The following ARF5 variants were observed in gnomAD, a reference collection of about 807,000 sequenced individuals.
ARF5 encodes ADP-ribosylation factor 5.
ARF5 carries 10 observed loss-of-function variants against 24.8 expected under a neutral mutation model. The ratio of observed to expected loss-of-function variants is 0.40; its 90% CI spans 0.25 to 0.68. ARF5 has a LOEUF of 0.68. Ranked by LOEUF, ARF5 falls within the 30% of genes least tolerant of loss-of-function variation. The pLI, the probability that ARF5 is intolerant of heterozygous loss-of-function variation, is 0.36. For synonymous variants in ARF5, 102 were observed against 95.1 expected (o/e 1.07, Z -0.42); for missense variants, 135 against 239.2 (o/e 0.56, Z 2.87).
rs1356798060 is a variant in ARF5 at position 127,591,051 on chromosome 7, C to G, written c.419C>G (p.Thr140Ser). Residue 140 changes from threonine to serine, a missense_variant, in exon 5 of 6, where the codon ACT becomes AGT. Transcript: ENST00000000233. ...MPNAMPVSEL[T>S]DKLGLQHLRS... ...AACGCCATGCCCGTGAGCGAGCTGA[C>G]TGACAAGCTGGGGCTACAGCACTTA... is the stretch of plus-strand genomic sequence containing the variant. 6.2e-7 allele frequency: 1 copy of G among 1,614,126 alleles called. No individual in the cohort carries two copies. The highest frequency in any genetic ancestry group is 8.5e-7 in the Non-Finnish European group (1 of 1,180,014).
chr7:127,591,182 T>C, intron 5 of ARF5, 31 bp from the exon 6 acceptor site: 1 of 1,607,168 alleles, frequency 6.2e-7, no homozygotes, highest in Non-Finnish European at 8.5e-7. Flanking sequence ...TGTTCCTGGT[T>C]GCTGACCTCT....
rs887907986 is a variant in ARF5, at chr7:127,591,010, C to T, written c.378C>T (p.Asn126=). ...ATGCAGTGCTGCTGGTATTTGCCAA[C>T]AAGCAGGACATGCCCAACGCCATGC... ...LRDAVLLVFA[N]KQDMPNAMPV... The change falls in exon 5 of 6, where the codon AAC becomes AAT. Residue 126 remains asparagine, a synonymous_variant. Coordinates refer to ENST00000000233, the MANE Select transcript of ARF5 (RefSeq NM_001662.4). 5 of 1,613,898 alleles carry T rather than the reference C, an allele frequency of 3.1e-6. No individual in the cohort carries two copies. In the African/African-American group the frequency reaches 6.7e-5, roughly 22 times the overall value.
chr7:127,590,863 CT>C, intron 4 of ARF5, 99 bp from the exon 5 acceptor site: 296 of 1,433,324 alleles, frequency 2.1e-4, no homozygotes, highest in South Asian at 4.4e-4. Context: ...CTGCACAATA[CT>C]TTTTTTTTCC....
Position 127,590,096 on chromosome 7 carries a change from C to T in ARF5, c.289C>T (p.Arg97Trp), listed in dbSNP as rs367999369. ...CATCTTTGTGGTGGACAGTAATGAC[C>T]GGGAGCGGGTCCAAGAATCTGCTGA... ...GLIFVVDSNDRERVQESADEL... is the reference protein window; with the variant it reads ...GLIFVVDSNDWERVQESADEL... Residue 97 changes from arginine (R) to tryptophan (W), a missense_variant, in exon 4 of 6, where the codon CGG becomes TGG. This residue lies in a region of ARF5 where 102 missense variants were observed against 160.9 expected (regional missense o/e 0.63). Coordinates refer to ENST00000000233, the MANE Select transcript of ARF5 (RefSeq NM_001662.4). 39 of 1,613,798 alleles carry T rather than the reference C, an allele frequency of 2.4e-5. No homozygotes were observed. The highest frequency in any genetic ancestry group is 4.0e-5 in the African/African-American group (3 of 74,862).
At position 127,591,317 on chromosome 7, in the gene ARF5, CCT is replaced by C. The variant is rs775435205; in HGVS notation, c.*19_*20del. On this transcript the variant is annotated 3_prime_UTR_variant, in exon 6 of 6. Transcript: ENST00000000233. ...AGCGCTAACCAGCCAGGGGCAGGCC[CCT>C]GATGCCCGGAAGCTCCTGCGTGCAT... is the stretch of plus-strand genomic sequence containing the variant. 3.2e-6 allele frequency: 5 copies of C among 1,569,170 alleles called. No individual in the cohort carries two copies. In the Admixed American group the frequency reaches 1.0e-4, roughly 32 times the overall value.
chr7:127,589,016 C>T (rs1794245777), intron 1 of ARF5, 67 bp from the exon 2 acceptor site: 2 of 1,569,710 alleles, frequency 1.3e-6, no homozygotes, highest in Admixed American at 1.7e-5. Flanking sequence ...TGTGGCCTCT[C>T]CCTTTCCCTG....
At position 127,588,491 on chromosome 7, in the gene ARF5, GC is replaced by G. The variant is rs1587535381; in HGVS notation, c.-4del. The G allele has an allele frequency of 1.4e-6, 2 of 1,438,666 alleles. No homozygotes were observed. Among genetic ancestry groups the G allele is most frequent in the Non-Finnish European group, 9.2e-7 (1 of 1,085,552 alleles). The allele number at this position is 1,438,666 out of a possible 1,614,324, so 89.1% of individuals were successfully genotyped here. On this transcript the variant is annotated 5_prime_UTR_variant, in exon 1 of 6. Transcript: ENST00000000233. Reference sequence around the variant, plus strand: ...CGTCGGTGCCCGCGCCCCTCCCCGGGCCCCGCCATGGGCCTCACCGTGTCCG... The same window carrying G: ...CGTCGGTGCCCGCGCCCCTCCCCGGGCCCGCCATGGGCCTCACCGTGTCCG...
At chr7:127,589,641 A>T (rs370698583) in intron 3 of ARF5, 47 bp downstream of exon 3, 1 of 1,463,858 alleles carries the variant, frequency 6.8e-7, no homozygotes, top group Non-Finnish European at 9.5e-7. Context: ...AAAAGGTGTT[A>T]GGGCTGGGAG....
In ARF5 at chr7:127,590,143, T is replaced by C; in HGVS notation, c.330+6T>C. On this transcript the variant is annotated splice_donor_region_variant and intron_variant, in intron 4 of 5. Coordinates refer to ENST00000000233, the MANE Select transcript of ARF5 (RefSeq NM_001662.4). ...CTGATGAACTCCAGAAGATGGTGAGTACCCAGAGCCCTGGGAACTGAGCCC... is the reference window on the plus strand; with the variant it reads ...CTGATGAACTCCAGAAGATGGTGAGCACCCAGAGCCCTGGGAACTGAGCCC... 6.2e-7 allele frequency: 1 copy of C among 1,612,858 alleles called. No homozygotes were observed. The highest frequency in any genetic ancestry group is 8.5e-7 in the Non-Finnish European group (1 of 1,179,086).
chr7:127,589,233 G>A lies in ARF5; in HGVS notation c.148+70G>A, dbSNP rs1185684509. On this transcript the variant is annotated intron_variant, in intron 2 of 5. Coordinates refer to ENST00000000233, the MANE Select transcript of ARF5 (RefSeq NM_001662.4). ...CCTCGCGGGGTCTGCTCCCAGTTCT[G>A]CCACTTTTCTGGAGCTGACCCTGAC... 1.9e-6 allele frequency: 3 copies of A among 1,548,272 alleles called. No individual in the cohort carries two copies. In the African/African-American group the frequency reaches 4.1e-5, roughly 21 times the overall value.
chr7:127,590,562 A>G (rs1794271834), intron 4 of ARF5, among the ~76,000 whole-genome samples: 1 of 152,078 alleles, frequency 6.6e-6, no homozygotes, highest in Non-Finnish European at 1.5e-5. Context: ...TGAACCCCCA[A>G]CCTCAGGTGA....
chr7:127,590,081 G>A lies in ARF5; in HGVS notation c.274G>A (p.Val92Met). ...FQNTQGLIFVVDSNDRERVQE... is the reference protein window; with the variant it reads ...FQNTQGLIFVMDSNDRERVQE... ...TCCTGCCCAGGGCCTCATCTTTGTG[G>A]TGGACAGTAATGACCGGGAGCGGGT... is the stretch of plus-strand genomic sequence containing the variant. The change falls in exon 4 of 6, where the codon GTG (valine) becomes ATG (methionine). Residue 92 changes from valine (V) to methionine (M), a missense_variant. Val to Met is a conservative substitution (Grantham distance 21). Transcript: ENST00000000233. 6.2e-7 allele frequency: 1 copy of A among 1,613,994 alleles called. No homozygotes were observed. Among genetic ancestry groups the A allele is most frequent in the African/African-American group, 1.3e-5 (1 of 74,998 alleles).
rs960422737 is a variant in ARF5, at chr7:127,588,432, CCCCCGCGGCCGGCCAGTTCCAGCCCGCA to C, written c.-59_-32del. The stretch of plus-strand genomic sequence containing the variant: ...CCTCCTGCTGCTGCTGCGCCCCATC[CCCCCGCGGCCGGCCAGTTCCAGCCCGCA>C]CCCCGCGTCGGTGCCCGCGCCCCTC... On this transcript the variant is annotated 5_prime_UTR_variant, in exon 1 of 6. Transcript: ENST00000000233. 5 of 1,065,198 alleles carry C rather than the reference CCCCCGCGGCCGGCCAGTTCCAGCCCGCA, an allele frequency of 4.7e-6. No individual in the cohort carries two copies. In the African/African-American group the frequency reaches 8.3e-5, roughly 18 times the overall value. 66.0% of individuals were successfully genotyped at this position (1,065,198 alleles called of 1,614,324 possible).
At position 127,590,152 on chromosome 7, in the gene ARF5, C is replaced by T; in HGVS notation, c.330+15C>T. The T allele has an allele frequency of 6.2e-7, 1 of 1,611,186 alleles. No homozygotes were observed. Among genetic ancestry groups the T allele is most frequent in the Non-Finnish European group, 8.5e-7 (1 of 1,177,520 alleles). On this transcript the variant is annotated intron_variant, in intron 4 of 5. Transcript: ENST00000000233. Reference sequence around the variant, plus strand: ...TCCAGAAGATGGTGAGTACCCAGAGCCCTGGGAACTGAGCCCTCAGCTTGG... The same window carrying T: ...TCCAGAAGATGGTGAGTACCCAGAGTCCTGGGAACTGAGCCCTCAGCTTGG...
rs77229708 is a variant in ARF5, at chr7:127,591,248, A to C, written c.492A>C (p.Thr164=). 6,414 of 1,608,026 alleles carry C rather than the reference A, an allele frequency of 4.0e-3. 229 individuals are homozygous for C. The African/African-American group carries it at 0.076, about 19-fold the overall frequency. ...AGGCCACCTGTGCCACCCAAGGCAC[A>C]GGTCTGTACGATGGTCTGGACTGGC... ...YVQATCATQG[T]GLYDGLDWLS... is the part of the protein sequence containing the mutation. Residue 164 remains threonine (T), a synonymous_variant, in exon 6 of 6, where the codon ACA becomes ACC. Coordinates refer to ENST00000000233, the MANE Select transcript of ARF5 (RefSeq NM_001662.4).
chr7:127,589,993 C>A, intron 3 of ARF5, 73 bp from the exon 4 acceptor site: 1 of 1,324,420 alleles, frequency 7.6e-7, no homozygotes, highest in Non-Finnish European at 1.1e-6. Flanking sequence ...GGGAAGAAAA[C>A]AGAAAGGGCC....
chr7:127,589,224 C>T, intron 2 of ARF5, 61 bp downstream of exon 2: 1 of 1,560,830 alleles, frequency 6.4e-7, no homozygotes, highest in Non-Finnish European at 8.8e-7. Context: ...GGGGTCTGCT[C>T]CCAGTTCTGC....
chr7:127,588,414 CT>C lies in ARF5; in HGVS notation c.-84del. On this transcript the variant is annotated 5_prime_UTR_variant, in exon 1 of 6. Transcript: ENST00000000233. ...GAGGCGGCGGCGGAGCCTCCTCCTG[CT>C]GCTGCTGCGCCCCATCCCCCCGCGG... 1 of 875,536 alleles carries C rather than the reference CT, an allele frequency of 1.1e-6. No individual in the cohort carries two copies. The highest frequency in any genetic ancestry group is 5.3e-5 in the South Asian group (1 of 18,778). 54.2% of individuals were successfully genotyped at this position (875,536 alleles called of 1,614,324 possible). A position where few individuals can be genotyped will look rare whatever the true frequency, so the allele number is the denominator to read the frequency against.
chr7:127,588,710 C>T (rs1794240659), intron 1 of ARF5, 145 bp downstream of exon 1: 1 of 859,870 alleles, frequency 1.2e-6, no homozygotes, highest in Non-Finnish European at 1.6e-6. Flanking sequence ...TGCTCTCGGG[C>T]GGGTCCCGGT....
Sources: allele counts gnomAD v4.1 joint callset (sites outside exome capture counted in the v4.1 genomes callset), GRCh38; gene constraint gnomAD v4.1.1; regional missense constraint gnomAD v4.1.1; transcripts MANE v1.5; gene names NCBI Gene and HGNC (gene_info 2026-07-23, HGNC 2026-07-21).